BNIP2: variants seen among roughly 807,000 people sequenced by gnomAD.
BNIP2 encodes BCL2 interacting protein 2.
BNIP2 carries 36 observed loss-of-function variants against 43.4 expected under a neutral mutation model. That is an observed-to-expected ratio of 0.83 (90% CI 0.64 to 1.10). The LOEUF (loss-of-function observed/expected upper bound fraction) is 1.10. Among genes scored for constraint, BNIP2 ranks in the 50% least tolerant of loss-of-function variants. The pLI, the probability that BNIP2 is intolerant of heterozygous loss-of-function variation, is 0.00. For synonymous variants in BNIP2, 146 were observed against 121.0 expected (o/e 1.21, Z -1.35); for missense variants, 417 against 374.1 (o/e 1.11, Z -0.95).
At chr15:59,683,323 A>G (rs1341100397) in intron 1 of BNIP2, among the ~76,000 whole-genome samples, 1 of 152,256 alleles carries the variant, frequency 6.6e-6, no homozygotes, top group Non-Finnish European at 1.5e-5. Flanking sequence ...TCAACTGGTT[A>G]ACAATGCAAC....
At chr15:59,679,440 TAC>T in intron 4 of BNIP2, 150 bp downstream of exon 4, 1 of 884,186 alleles carries the variant, frequency 1.1e-6, no homozygotes. Flanking sequence ...GTGTACTCTA[TAC>T]ACACTTTTTA....
chr15:59,684,033 GCA>G (rs1250876533), intron 1 of BNIP2, among the ~76,000 whole-genome samples: 1 of 152,152 alleles, frequency 6.6e-6, no homozygotes, highest in East Asian at 1.9e-4. Context: ...TTCAAAAGAT[GCA>G]CAAAGTTACA....
intron 6 of BNIP2, 139 bp from the exon 7 acceptor site, chr15:59,671,453 T>TA: frequency 1.6e-6 from 1 of 613,962 alleles, no homozygotes. Context: ...CCGCATTAGC[T>TA]AGTATTACGA....
At position 59,671,153 on chromosome 15, in the gene BNIP2, A is replaced by G. The variant is rs558766991; in HGVS notation, c.707+30T>C. 5.9e-6 allele frequency: 9 copies of G among 1,522,052 alleles called. No homozygotes were observed. The Admixed American group carries it at 6.9e-5, about 12-fold the overall frequency. 94.3% of individuals were successfully genotyped at this position (1,522,052 alleles called of 1,614,324 possible). A position where few individuals can be genotyped will look rare whatever the true frequency, so the allele number is the denominator to read the frequency against. On this transcript the variant is annotated intron_variant, in intron 7 of 9. Coordinates refer to ENST00000607373, the MANE Select transcript of BNIP2 (RefSeq NM_004330.4). ...CCTAAAGCCATTATAAAATTTTTTC[A>G]GACTAGCTTTCAACTTGTATTTGTA... is the stretch of plus-strand genomic sequence containing the variant.
In BNIP2 at chr15:59,662,732, G is replaced by A. The variant is rs994355007; in HGVS notation, c.*1337C>T. 1 of 152,222 alleles carries A rather than the reference G, an allele frequency of 6.6e-6. No individual in the cohort carries two copies. The highest frequency in any genetic ancestry group is 2.4e-5 in the African/African-American group (1 of 41,466). The allele number at this position is 152,222 out of a possible 1,614,324, so 9.4% of individuals were successfully genotyped here. On this transcript the variant is annotated 3_prime_UTR_variant, in exon 10 of 10. Coordinates refer to ENST00000607373, the MANE Select transcript of BNIP2 (RefSeq NM_004330.4). ...AAAATACCTTACAGGAAGGGTTGAA[G>A]AGTAGCCATGACCTTCAAATTTGGA...
chr15:59,672,592 T>TG, intron 6 of BNIP2, 45 bp downstream of exon 6: 1 of 1,414,070 alleles, frequency 7.1e-7, no homozygotes, highest in Non-Finnish European at 9.9e-7. Context: ...TAGATCTAAT[T>TG]AGCTCACAAT....
intron 5 of BNIP2, chr15:59,677,435 T>C (rs978092948): frequency 6.9e-7 from 1 of 1,451,272 alleles, no homozygotes; most frequent in East Asian, 2.5e-5. Flanking sequence ...GGAACCATTA[T>C]GGATATAGTG....
At chr15:59,688,087 T>C (rs1474384036) in intron 1 of BNIP2, among the ~76,000 whole-genome samples, 1 of 152,224 alleles carries the variant, frequency 6.6e-6, no homozygotes, top group Non-Finnish European at 1.5e-5. Context: ...GAAGTGGATC[T>C]GTCATACTTC....
At position 59,663,774 on chromosome 15, in the gene BNIP2, C is replaced by T. The variant is rs1892400563; in HGVS notation, c.*295G>A. 4.3e-6 allele frequency: 1 copy of T among 234,076 alleles called. No homozygotes were observed. 14.5% of individuals were successfully genotyped at this position (234,076 alleles called of 1,614,324 possible). ...AAATATTTCACCGAAGAAGATGCATCATTCAATAAACAAATGCAAAAACTA... is the reference window on the plus strand; with the variant it reads ...AAATATTTCACCGAAGAAGATGCATTATTCAATAAACAAATGCAAAAACTA... On this transcript the variant is annotated 3_prime_UTR_variant, in exon 10 of 10. Transcript: ENST00000607373.
intron 5 of BNIP2, chr15:59,676,640 A>T (rs993780229): frequency 1.8e-5 from 10 of 568,810 alleles, no homozygotes; most frequent in Non-Finnish European, 2.8e-5. Flanking sequence ...ATTACATAAT[A>T]TCTCTAGGCA....
Position 59,660,846 on chromosome 15 carries a change from CCTT to C in BNIP2, c.*3220_*3222del, listed in dbSNP as rs1257004391. On this transcript the variant is annotated 3_prime_UTR_variant, in exon 10 of 10. Coordinates refer to ENST00000607373, the MANE Select transcript of BNIP2 (RefSeq NM_004330.4). Reference sequence around the variant, plus strand: ...AACTTTTAAGTGCTGTAACTGCTAACCTTCTCTGCTCGAACTTGCTTCTGTATG... The same window carrying C: ...AACTTTTAAGTGCTGTAACTGCTAACCTCTGCTCGAACTTGCTTCTGTATG... 6 of 152,138 alleles carry C rather than the reference CCTT, an allele frequency of 3.9e-5. No homozygotes were observed. Among genetic ancestry groups the C allele is most frequent in the Non-Finnish European group, 8.8e-5 (6 of 68,030 alleles). 9.4% of individuals were successfully genotyped at this position (152,138 alleles called of 1,614,324 possible).
At chr15:59,686,096 A>G (rs1893997236) in intron 1 of BNIP2, among the ~76,000 whole-genome samples, 1 of 152,240 alleles carries the variant, frequency 6.6e-6, no homozygotes. Context: ...TTGCAGTCAT[A>G]AAGATAAATT....
intron 8 of BNIP2, 125 bp downstream of exon 8, chr15:59,669,151 T>C (rs1369624526): frequency 1.0e-6 from 1 of 1,000,540 alleles, no homozygotes; most frequent in South Asian, 1.5e-5. Context: ...GTTTGATCAT[T>C]ATACAATGTA....
At chr15:59,686,279 G>C (rs977635062) in intron 1 of BNIP2, among the ~76,000 whole-genome samples, 3 of 152,210 alleles carry the variant, frequency 2.0e-5, no homozygotes, top group African/African-American at 7.2e-5. Flanking sequence ...GCCAGGCTCA[G>C]TGGCTCACTC....
At position 59,671,168 on chromosome 15, in the gene BNIP2, T is replaced by G; in HGVS notation, c.707+15A>C. 6.4e-7 allele frequency: 1 copy of G among 1,568,836 alleles called. No homozygotes were observed. Among genetic ancestry groups the G allele is most frequent in the Non-Finnish European group, 8.6e-7 (1 of 1,156,742 alleles). ...AAATTTTTTCAGACTAGCTTTCAAC[T>G]TGTATTTGTATTACCTTCTATCAAT... On this transcript the variant is annotated intron_variant, in intron 7 of 9. Transcript: ENST00000607373.
chr15:59,672,490 T>TC (rs1322662807), intron 6 of BNIP2, 147 bp downstream of exon 6: 20 of 570,744 alleles, frequency 3.5e-5, no homozygotes, highest in Non-Finnish European at 6.1e-5. Context: ...TAGGCTGGTC[T>TC]CCAACTCCTG....
In BNIP2 at chr15:59,689,289, G is replaced by A. The variant is rs1487334045; in HGVS notation, c.-212C>T. The A allele has an allele frequency of 3.9e-6, 6 of 1,545,754 alleles. No individual in the cohort carries two copies. Among genetic ancestry groups the A allele is most frequent in the Admixed American group, 3.9e-5 (2 of 50,896 alleles). On this transcript the variant is annotated 5_prime_UTR_variant, in exon 1 of 10. Transcript: ENST00000607373. The stretch of plus-strand genomic sequence containing the variant: ...CCAATCCCCCGGCCGCAGCGGTACG[G>A]CGTCGGCGGCAGCAGCTGACCCGGA...
At chr15:59,671,378 A>G in intron 6 of BNIP2, 64 bp from the exon 7 acceptor site, 4 of 1,418,914 alleles carry the variant, frequency 2.8e-6, no homozygotes, top group Admixed American at 2.2e-5. Context: ...TAGGTTCTCT[A>G]AATTGTACCA....
chr15:59,670,933 C>T (rs1325009028), intron 7 of BNIP2, among the ~76,000 whole-genome samples: 2 of 151,862 alleles, frequency 1.3e-5, no homozygotes, highest in Non-Finnish European at 2.9e-5. Context: ...ATTAGCTGGG[C>T]GTGGTGGCGC....
Sources: allele counts gnomAD v4.1 joint callset (sites outside exome capture counted in the v4.1 genomes callset), GRCh38; gene constraint gnomAD v4.1.1; transcripts MANE v1.5; gene names NCBI Gene and HGNC (gene_info 2026-07-23, HGNC 2026-07-21).